DNAAF4: variants seen among roughly 807,000 people sequenced by gnomAD.
DNAAF4 encodes the protein dynein axonemal assembly factor 4.
A neutral mutation model predicts 51.8 loss-of-function variants in DNAAF4; 43 were observed. That is an observed-to-expected ratio of 0.83 (90% CI 0.65 to 1.07). The LOEUF (loss-of-function observed/expected upper bound fraction) is 1.07, where lower values mean the gene tolerates loss of function less well. DNAAF4 is among the 50% of genes least tolerant of loss of function. The pLI is 0.00. For synonymous variants in DNAAF4, 194 were observed against 165.6 expected, an observed-to-expected ratio of 1.17 and a Z score of -1.32; for missense variants, 581 against 493.0, an observed-to-expected ratio of 1.18 and a Z score of -1.69.
At chr15:55,483,651 C>T (rs2058442281) in intron 4 of DNAAF4, among the ~76,000 whole-genome samples, 1 of 151,096 alleles carries the variant, frequency 6.6e-6, no homozygotes, top group Non-Finnish European at 1.5e-5. Context: ...AGTGATTCTC[C>T]TGCCTCAGCC....
chr15:55,469,001 T>A (rs1001455758), intron 4 of DNAAF4, among the ~76,000 whole-genome samples: 13 of 151,982 alleles, frequency 8.6e-5, no homozygotes, highest in African/African-American at 2.9e-4. Flanking sequence ...AAGCTTATGA[T>A]AAAGAGAAAA....
At chr15:55,443,135 T>C in intron 6 of DNAAF4, 1 of 1,610,678 alleles carries the variant, frequency 6.2e-7, no homozygotes, top group Non-Finnish European at 8.5e-7. Flanking sequence ...GGCAAACGTT[T>C]CCAGGAGCCG....
chr15:55,445,848 G>GGGC (rs1390694963), intron 6 of DNAAF4, among the ~76,000 whole-genome samples: 51 of 142,508 alleles, frequency 3.6e-4, no homozygotes, highest in Admixed American at 4.2e-4. Flanking sequence ...ATCCCAGACG[G>GGGC]GGCAGCCGGG....
chr15:55,501,874 C>T (rs1045632228), intron 1 of DNAAF4, among the ~76,000 whole-genome samples: 7 of 151,782 alleles, frequency 4.6e-5, no homozygotes, highest in Admixed American at 2.6e-4. Flanking sequence ...GAAACCCCAT[C>T]TCTATTAAAA....
intron 6 of DNAAF4, among the ~76,000 whole-genome samples, chr15:55,440,859 T>A (rs1274004935): frequency 6.6e-6 from 1 of 150,492 alleles, no homozygotes; most frequent in Non-Finnish European, 1.5e-5. Flanking sequence ...TTTTTTGTAT[T>A]TTTAGTAGAG....
intron 1 of DNAAF4, among the ~76,000 whole-genome samples, chr15:55,501,133 G>A (rs1371560081): frequency 2.0e-5 from 3 of 151,024 alleles, no homozygotes; most frequent in African/African-American, 4.9e-5. Context: ...GCGCGATCTC[G>A]GCTCACTGCA....
intron 6 of DNAAF4, among the ~76,000 whole-genome samples, chr15:55,449,478 C>T (rs1485582412): frequency 6.7e-6 from 1 of 149,358 alleles, no homozygotes; most frequent in Non-Finnish European, 1.5e-5. Context: ...GCCTGACCAA[C>T]ATGGTGAAAC....
chr15:55,425,934 C>T (rs866932333), downstream of DNAAF4, among the ~76,000 whole-genome samples: 6 of 152,332 alleles, frequency 3.9e-5, no homozygotes, highest in African/African-American at 1.2e-4. Context: ...GGAACTGCAA[C>T]AGAGACAGAG....
rs34741079 is a variant in DNAAF4 at position 55,431,359 on chromosome 15, TACACACAC to T, written c.1154-588_1154-581del. ...TTATTTCCGAGCTTAGGTGTGTGTA[TACACACAC>T]ACACACACACACACACACACACAAA... On this transcript the variant is annotated intron_variant, in intron 9 of 9. Transcript: ENST00000321149. 5.0e-3 allele frequency among the ~76,000 whole-genome samples: 743 copies of T among 149,370 alleles called. 8 individuals are homozygous for T. The highest frequency in any genetic ancestry group is 0.016 in the African/African-American group (637 of 40,816).
chr15:55,461,075 T>C (rs776893603), intron 5 of DNAAF4, among the ~76,000 whole-genome samples: 1 of 143,500 alleles, frequency 7.0e-6, no homozygotes, highest in Non-Finnish European at 1.5e-5. Context: ...ATCTCAATAA[T>C]TTTTTTTTTT....
chr15:55,487,090 A>G (rs960398802), intron 4 of DNAAF4, among the ~76,000 whole-genome samples: 4 of 152,212 alleles, frequency 2.6e-5, no homozygotes, highest in African/African-American at 4.8e-5. Flanking sequence ...TCAAAATCTT[A>G]GTGAGAGGTG....
chr15:55,494,600 C>T (rs886863943), intron 3 of DNAAF4, among the ~76,000 whole-genome samples: 3 of 151,874 alleles, frequency 2.0e-5, no homozygotes, highest in Admixed American at 6.6e-5. Flanking sequence ...TTAGTAGAGA[C>T]AGGGTTTCAC....
At chr15:55,439,405 C>T (rs999523340) in intron 7 of DNAAF4, 67 bp downstream of exon 7, 7 of 1,358,544 alleles carry the variant, frequency 5.2e-6, no homozygotes, top group South Asian at 2.4e-5. Flanking sequence ...CCACCATACT[C>T]GTCCTATGAT....
intron 4 of DNAAF4, among the ~76,000 whole-genome samples, chr15:55,469,017 T>C (rs1047913058): frequency 1.3e-5 from 2 of 152,014 alleles, no homozygotes; most frequent in African/African-American, 4.8e-5. Flanking sequence ...GAAAAGAGAC[T>C]ACATGTACCA....
At chr15:55,465,785 C>T (rs1398454087) in intron 5 of DNAAF4, among the ~76,000 whole-genome samples, 1 of 151,964 alleles carries the variant, frequency 6.6e-6, no homozygotes, top group African/African-American at 2.4e-5. Flanking sequence ...AGACTGGTCT[C>T]GAACTCCCAA....
chr15:55,436,860 G>A (rs577183857), intron 7 of DNAAF4, among the ~76,000 whole-genome samples: 6 of 150,466 alleles, frequency 4.0e-5, no homozygotes, highest in South Asian at 2.1e-4. Context: ...TCACTCTGTC[G>A]CCCAGGCTGG....
intron 4 of DNAAF4, among the ~76,000 whole-genome samples, chr15:55,479,399 C>G (rs1243577590): frequency 6.6e-6 from 1 of 152,018 alleles, no homozygotes; most frequent in Non-Finnish European, 1.5e-5. Flanking sequence ...ATCTCTTAAT[C>G]CTGTTATCTT....
At chr15:55,497,975 G>T in intron 2 of DNAAF4, 116 bp from the exon 3 acceptor site, 1 of 1,399,210 alleles carries the variant, frequency 7.1e-7, no homozygotes, top group Non-Finnish European at 9.6e-7. Flanking sequence ...ATTTATGCCA[G>T]GTAGTGAAAG....
intron 3 of DNAAF4, among the ~76,000 whole-genome samples, chr15:55,495,826 A>C (rs948442985): frequency 1.3e-5 from 2 of 152,232 alleles, no homozygotes; most frequent in African/African-American, 4.8e-5. Flanking sequence ...GGAGGAAAAC[A>C]GGGCTAAAGC....
Sources: gnomAD v4.1 joint callset for allele counts (sites outside exome capture counted in the v4.1 genomes callset) on GRCh38, gnomAD v4.1.1 for gene constraint, MANE v1.5 for transcripts, NCBI Gene and HGNC (gene_info 2026-07-23, HGNC 2026-07-21) for gene names.